Variants in DPYD observed in about 807,000 individuals in gnomAD.
The protein encoded by DPYD is dihydropyrimidine dehydrogenase [NADP(+)].
In DPYD, 109 loss-of-function variants were observed where a neutral mutation model predicts 116.2. That is an observed-to-expected ratio of 0.94 (90% CI 0.80 to 1.10). The LOEUF (loss-of-function observed/expected upper bound fraction) is 1.10. Among genes scored for constraint, DPYD ranks in the 50% least tolerant of loss-of-function variants. The probability of loss-of-function intolerance (pLI) is 0.00; values close to 1 mark genes in which losing one functional copy is unlikely to be tolerated. For synonymous variants in DPYD, 440 were observed against 432.0 expected (o/e 1.02, Z -0.23); for missense variants, 1,302 against 1,254.5 (o/e 1.04, Z -0.57).
intron 19 of DPYD, among the ~76,000 whole-genome samples, chr1:97,203,552 G>A (rs902413326): frequency 7.4e-5 from 11 of 149,204 alleles, no homozygotes; most frequent in Admixed American, 1.4e-4. Flanking sequence ...TGGGTGCAGC[G>A]CACCAGCATG....
chr1:97,217,540 A>AT lies in DPYD; in HGVS notation c.2442+17311dup, dbSNP rs150716585. Among the ~76,000 whole-genome samples the AT allele has an allele frequency of 0.019, 2,920 of 152,092 alleles. 248 individuals are homozygous for AT. The East Asian group carries it at 0.26, about 13-fold the overall frequency. On this transcript the variant is annotated intron_variant, in intron 19 of 22. Transcript: ENST00000370192. Reference sequence around the variant, plus strand: ...TTTTACTGTAATTTCTTTTACAATCATTATTTGCAGCTAGTCACAATTAAA... The same window carrying AT: ...TTTTACTGTAATTTCTTTTACAATCATTTATTTGCAGCTAGTCACAATTAAA...
At chr1:97,492,396 T>C (rs1343903850) in intron 13 of DPYD, among the ~76,000 whole-genome samples, 1 of 152,170 alleles carries the variant, frequency 6.6e-6, no homozygotes, top group Non-Finnish European at 1.5e-5. Context: ...AGACTTAAAA[T>C]GACTTTAAGG....
intron 3 of DPYD, among the ~76,000 whole-genome samples, chr1:97,784,265 CT>C (rs5776380): frequency 0.81 from 117,989 of 145,350 alleles, 46,147 homozygotes; most frequent in East Asian, 0.97. Context: ...CATGCTTTTC[CT>C]TTTTTTAAAA....
intron 20 of DPYD, among the ~76,000 whole-genome samples, chr1:97,140,850 C>T (rs988429351): frequency 3.3e-5 from 5 of 152,082 alleles, no homozygotes; most frequent in South Asian, 2.1e-4. Flanking sequence ...AGAAGAGGAG[C>T]TTAGTGGGTT....
At chr1:97,537,108 C>G (rs866835656) in intron 12 of DPYD, among the ~76,000 whole-genome samples, 1 of 152,286 alleles carries the variant, frequency 6.6e-6, no homozygotes, top group Middle Eastern at 3.4e-3. Flanking sequence ...TGAAGGTCTT[C>G]TAAGTAACAG....
intron 18 of DPYD, among the ~76,000 whole-genome samples, chr1:97,280,858 G>A (rs1238628514): frequency 1.3e-5 from 2 of 152,064 alleles, no homozygotes; most frequent in Non-Finnish European, 2.9e-5. Flanking sequence ...ACAATATAGT[G>A]TATATCTCAA....
intron 3 of DPYD, among the ~76,000 whole-genome samples, chr1:97,826,065 A>G (rs1226123578): frequency 1.3e-5 from 2 of 152,160 alleles, no homozygotes; most frequent in African/African-American, 4.8e-5. Context: ...GTATAACTTA[A>G]GCAAACAAGT....
At chr1:97,186,659 G>A (rs1180368870) in intron 20 of DPYD, among the ~76,000 whole-genome samples, 2 of 152,224 alleles carry the variant, frequency 1.3e-5, no homozygotes, top group African/African-American at 2.4e-5. Flanking sequence ...GAACAGCCTG[G>A]ACAACATGGA....
intron 3 of DPYD, among the ~76,000 whole-genome samples, chr1:97,789,264 T>C (rs1407648626): frequency 6.6e-6 from 1 of 152,170 alleles, no homozygotes. Flanking sequence ...AGTATTAAAA[T>C]TTGAAAGCAC....
chr1:97,667,199 A>G (rs576489462), intron 8 of DPYD, among the ~76,000 whole-genome samples: 2 of 152,290 alleles, frequency 1.3e-5, no homozygotes, highest in South Asian at 4.1e-4. Context: ...TTAGTTAGAA[A>G]TTTAAATATA....
chr1:97,541,777 T>C (rs1650466896), intron 12 of DPYD, among the ~76,000 whole-genome samples: 1 of 152,184 alleles, frequency 6.6e-6, no homozygotes. Context: ...GGAATTAAAC[T>C]AATTAAGGAA....
intron 3 of DPYD, chr1:97,796,815 T>A (rs1341917988): frequency 6.6e-6 from 1 of 152,146 alleles, no homozygotes; most frequent in Non-Finnish European, 1.5e-5. Context: ...TATATCCTGA[T>A]AACTGTGAAA....
chr1:97,765,564 G>C (rs1039392225), intron 3 of DPYD, among the ~76,000 whole-genome samples: 5 of 152,174 alleles, frequency 3.3e-5, no homozygotes, highest in African/African-American at 1.2e-4. Context: ...GAACAGAATA[G>C]TTTGACAGCC....
intron 2 of DPYD, among the ~76,000 whole-genome samples, chr1:97,867,631 T>A (rs12135891): frequency 9.9e-5 from 15 of 151,968 alleles, no homozygotes; most frequent in Admixed American, 2.0e-4. Flanking sequence ...CATAGGATCA[T>A]CTCAATTGAT....
In DPYD at chr1:97,556,753, C is replaced by T. The variant is rs1035420124; in HGVS notation, c.1340-7009G>A. On this transcript the variant is annotated intron_variant, in intron 11 of 22. Transcript: ENST00000370192. ...GCCACATTTTCTTAATCCAGTCTAT[C>T]ATTGTTGGACATTTGGGTTGGTTCC... Among the ~76,000 whole-genome samples the T allele has an allele frequency of 2.6e-3, 387 of 150,414 alleles. 1 individual carries two copies. Among genetic ancestry groups the T allele is most frequent in the African/African-American group, 8.9e-3 (365 of 41,114 alleles).
At chr1:97,237,100 A>T (rs1408430309) in intron 18 of DPYD, among the ~76,000 whole-genome samples, 1 of 151,686 alleles carries the variant, frequency 6.6e-6, no homozygotes, top group Non-Finnish European at 1.5e-5. Context: ...AATTATCTGG[A>T]CTTGGTGGCG....
intron 3 of DPYD, among the ~76,000 whole-genome samples, chr1:97,749,601 C>G (rs1009077024): frequency 6.6e-6 from 1 of 152,104 alleles, no homozygotes; most frequent in African/African-American, 2.4e-5. Flanking sequence ...TAAATGCAAC[C>G]ACATATATCC....
At chr1:97,165,623 G>C (rs377156812) in intron 20 of DPYD, among the ~76,000 whole-genome samples, 1 of 152,108 alleles carries the variant, frequency 6.6e-6, no homozygotes, top group Non-Finnish European at 1.5e-5. Flanking sequence ...AATGTCAACA[G>C]AGTAAACAGA....
chr1:97,727,584 G>A (rs1470498838), intron 4 of DPYD, among the ~76,000 whole-genome samples: 1 of 151,738 alleles, frequency 6.6e-6, no homozygotes, highest in Non-Finnish European at 1.5e-5. Flanking sequence ...AAAGAGGAAA[G>A]CATAGGCATG....
Sources: allele counts gnomAD v4.1 joint callset (sites outside exome capture counted in the v4.1 genomes callset), GRCh38; gene constraint gnomAD v4.1.1; transcripts MANE v1.5; gene names NCBI Gene and HGNC (gene_info 2026-07-23, HGNC 2026-07-21).